Variants in GPHN observed in about 807,000 individuals in gnomAD.
GPHN encodes gephyrin.
A neutral mutation model predicts 95.5 loss-of-function variants in GPHN; 17 were observed. The observed-to-expected ratio is 0.18, with a 90% CI of 0.12 to 0.27. GPHN has a LOEUF of 0.27. GPHN is among the 10% of genes least tolerant of loss of function. GPHN has a pLI of 1.00. For synonymous variants in GPHN, 320 were observed against 322.5 expected, an observed-to-expected ratio of 0.99 and a Z score of 0.08; for missense variants, 660 against 978.1, an observed-to-expected ratio of 0.67 and a Z score of 4.34.
At chr14:67,640,578 G>C in the GPHN span, among the ~76,000 whole-genome samples, 1 of 152,176 alleles carries the variant, frequency 6.6e-6, no homozygotes, top group African/African-American at 2.4e-5. Flanking sequence ...AGTCCATGCT[G>C]CTCTTAATCC....
chr14:66,679,402 T>C (rs1187956836), intron 1 of GPHN, among the ~76,000 whole-genome samples: 1 of 152,206 alleles, frequency 6.6e-6, no homozygotes, highest in Non-Finnish European at 1.5e-5. Flanking sequence ...TTTCAGCATT[T>C]TGAGTGTTGG....
rs763455984 is a variant in GPHN, at chr14:67,058,662, C to T, written c.1020C>T (p.Val340=). 30 of 1,612,768 alleles carry T rather than the reference C, an allele frequency of 1.9e-5. No homozygotes were observed. The highest frequency in any genetic ancestry group is 1.6e-4 in the Middle Eastern group (1 of 6,076). Residue 340 remains valine (V), a synonymous_variant, in exon 11 of 23, where the codon GTC becomes GTT. Coordinates refer to ENST00000478722, the MANE Select transcript of GPHN (RefSeq NM_020806.5). ...CTTACTGTTTAGGTCACAGTGCTGT[C>T]GATATCACCAAGGTGGCTAGAAGAC... ...ENILRASHSA[V]DITKVARRHR...
the GPHN span, among the ~76,000 whole-genome samples, chr14:67,542,632 G>A: frequency 6.6e-6 from 1 of 152,160 alleles, no homozygotes; most frequent in Non-Finnish European, 1.5e-5. Flanking sequence ...GCTGGTCTGG[G>A]AAACTGACCA....
At chr14:67,424,171 C>A in the GPHN span, among the ~76,000 whole-genome samples, 5 of 151,956 alleles carry the variant, frequency 3.3e-5, no homozygotes, top group Non-Finnish European at 7.4e-5. Context: ...ACCCGGGAGA[C>A]GGAGTTTGTG....
In GPHN at chr14:66,824,487, A is replaced by G. The variant is rs974394412; in HGVS notation, c.215A>G (p.Asp72Gly). The change falls in exon 4 of 23, where the codon GAT becomes GGT. Residue 72 changes from aspartate to glycine, a missense_variant. Asp to Gly is a moderately conservative substitution (Grantham distance 94). Around this residue, in one of 6 missense-constraint regions of GPHN, gnomAD observed 92 missense variants for 91.9 expected, o/e 1.00. Transcript: ENST00000478722. ...GTTTTCTTTCAGGAAACCCTGATAG[A>G]TTGGTGTGATGAAAAGGAACTTAAT... Reference protein sequence around the residue: ...EIEEIKETLIDWCDEKELNLI... With the variant: ...EIEEIKETLIGWCDEKELNLI... The G allele has an allele frequency of 5.1e-6, 8 of 1,578,516 alleles. No homozygotes were observed. The highest frequency in any genetic ancestry group is 7.0e-6 in the Non-Finnish European group (8 of 1,148,262).
chr14:67,280,045 T>TG, the GPHN span: 2 of 152,146 alleles, frequency 1.3e-5, no homozygotes, highest in Admixed American at 1.3e-4. Context: ...TTCTGTTCTG[T>TG]GGGGGGAAAA....
chr14:66,955,728 T>C (rs113866707), intron 8 of GPHN, among the ~76,000 whole-genome samples: 2,301 of 150,484 alleles, frequency 0.015, 32 homozygotes, highest in Non-Finnish European at 0.018. Context: ...CGACAGGCCA[T>C]GGTATGTGAT....
At chr14:67,613,653 G>T in the GPHN span, 2 of 220,202 alleles carry the variant, frequency 9.1e-6, no homozygotes, top group Admixed American at 4.1e-5. Context: ...GGGAAACAGG[G>T]TTATCAATGC....
At chr14:66,553,817 C>A (rs1157715343) in intron 1 of GPHN, among the ~76,000 whole-genome samples, 1 of 152,128 alleles carries the variant, frequency 6.6e-6, no homozygotes, top group East Asian at 1.9e-4. Context: ...CCTCATGATC[C>A]TCCTGCCTCG....
intron 2 of GPHN, among the ~76,000 whole-genome samples, chr14:66,727,562 G>A (rs1242929706): frequency 3.3e-5 from 5 of 152,174 alleles, no homozygotes; most frequent in Non-Finnish European, 5.9e-5. Context: ...TGGAGATGAA[G>A]TACTTGTTGG....
intron 2 of GPHN, among the ~76,000 whole-genome samples, chr14:66,742,198 G>A (rs1179653296): frequency 6.6e-6 from 1 of 152,134 alleles, no homozygotes; most frequent in Non-Finnish European, 1.5e-5. Context: ...AAACAGTTTT[G>A]AGTCTCATTG....
intron 10 of GPHN, among the ~76,000 whole-genome samples, chr14:67,031,910 G>A (rs2074214378): frequency 6.6e-6 from 1 of 151,838 alleles, no homozygotes; most frequent in Non-Finnish European, 1.5e-5. Flanking sequence ...ATTATAGCAG[G>A]TATTGCTAAG....
intron 11 of GPHN, among the ~76,000 whole-genome samples, chr14:67,079,117 G>A (rs1346007931): frequency 6.6e-6 from 1 of 151,952 alleles, no homozygotes; most frequent in Admixed American, 6.6e-5. Flanking sequence ...TGGTATATGT[G>A]TGCTATAAAT....
At chr14:67,160,960 T>C (rs2081940150) in intron 19 of GPHN, among the ~76,000 whole-genome samples, 1 of 152,204 alleles carries the variant, frequency 6.6e-6, no homozygotes, top group African/African-American at 2.4e-5. Context: ...CATGCCCCAA[T>C]ATGGCTGCTG....
At chr14:67,003,096 T>C (rs1456597276) in intron 9 of GPHN, among the ~76,000 whole-genome samples, 1 of 151,602 alleles carries the variant, frequency 6.6e-6, no homozygotes, top group South Asian at 2.1e-4. Flanking sequence ...TTTTCAATTG[T>C]CTTTTTCTCC....
At chr14:67,426,535 CG>C in the GPHN span, among the ~76,000 whole-genome samples, 1 of 152,076 alleles carries the variant, frequency 6.6e-6, no homozygotes, top group Non-Finnish European at 1.5e-5. Context: ...GGTAGGCTGC[CG>C]GGTTCGGGGG....
At chr14:67,731,000 AT>A in the GPHN span, among the ~76,000 whole-genome samples, 1 of 152,108 alleles carries the variant, frequency 6.6e-6, no homozygotes, top group African/African-American at 2.4e-5. Flanking sequence ...AAGATATCTC[AT>A]TTTTTATATT....
intron 2 of GPHN, among the ~76,000 whole-genome samples, chr14:66,775,619 C>G (rs7147690): frequency 0.31 from 47,390 of 151,864 alleles, 11,424 homozygotes; most frequent in African/African-American, 0.65. Context: ...TCATTCATTT[C>G]CTAGTTCCTT....
At chr14:67,168,007 A>C (rs2082384141) in intron 20 of GPHN, among the ~76,000 whole-genome samples, 1 of 152,262 alleles carries the variant, frequency 6.6e-6, no homozygotes, top group African/African-American at 2.4e-5. Context: ...AATTCTTCTC[A>C]TAACTTTAAA....
Sources: gnomAD v4.1 joint callset for allele counts (sites outside exome capture counted in the v4.1 genomes callset) on GRCh38, gnomAD v4.1.1 for gene constraint, gnomAD v4.1.1 regional missense constraint, MANE v1.5 for transcripts, NCBI Gene and HGNC (gene_info 2026-07-23, HGNC 2026-07-21) for gene names.